Variants in MAD1L1 observed in about 807,000 individuals in gnomAD.
MAD1L1 encodes the protein mitotic arrest deficient 1 like 1, also known as mitotic spindle assembly checkpoint protein MAD1.
A neutral mutation model predicts 96.9 loss-of-function variants in MAD1L1; 95 were observed. That is an observed-to-expected ratio of 0.98 (90% CI 0.83 to 1.16). MAD1L1 has a LOEUF of 1.16. Ranked by LOEUF, MAD1L1 falls within the 50% of genes most tolerant of loss-of-function variation. The pLI, the probability that MAD1L1 is intolerant of heterozygous loss-of-function variation, is 0.00. For missense variants in MAD1L1, 1,007 were observed against 954.4 expected (o/e 1.06, Z -0.73); for synonymous variants, 473 against 396.6 (o/e 1.19, Z -2.29).
In MAD1L1 at chr7:1,890,652, AGGCTGTGCC is replaced by A. The variant is rs549433969; in HGVS notation, c.1998+7539_1998+7547del. 5.9e-5 allele frequency among the ~76,000 whole-genome samples: 9 copies of A among 152,360 alleles called. No homozygotes were observed. In the South Asian group the frequency reaches 1.9e-3, roughly 32 times the overall value. Reference sequence around the variant, plus strand: ...ATCCTGCCAGTTTCCACGGAGGCCCAGGCTGTGCCGGCCACTACAGGTATGTCGGGGAGA... The same window carrying A: ...ATCCTGCCAGTTTCCACGGAGGCCCAGGCCACTACAGGTATGTCGGGGAGA... On this transcript the variant is annotated intron_variant, in intron 18 of 18. Transcript: ENST00000265854.
chr7:1,987,581 G>A (rs1279940936), intron 14 of MAD1L1, among the ~76,000 whole-genome samples: 1 of 152,006 alleles, frequency 6.6e-6, no homozygotes, highest in Non-Finnish European at 1.5e-5. Context: ...GGGGGGGAGA[G>A]GCAGGTGGGG....
chr7:2,083,281 T>C (rs1562669945), intron 11 of MAD1L1, among the ~76,000 whole-genome samples: 1 of 152,250 alleles, frequency 6.6e-6, no homozygotes, highest in Non-Finnish European at 1.5e-5. Flanking sequence ...AGCTCATTTA[T>C]GAACCTCGCT....
chr7:1,863,816 C>T (rs1006493775), intron 18 of MAD1L1, among the ~76,000 whole-genome samples: 5 of 152,090 alleles, frequency 3.3e-5, no homozygotes, highest in Admixed American at 6.5e-5. Flanking sequence ...AGGCCAGGCG[C>T]GGTGGCTCCT....
intron 10 of MAD1L1, among the ~76,000 whole-genome samples, chr7:2,168,760 G>C (rs528097834): frequency 6.6e-6 from 1 of 152,274 alleles, no homozygotes; most frequent in Admixed American, 6.5e-5. Flanking sequence ...ACACCAAGGA[G>C]CTCTGGGAGG....
intron 12 of MAD1L1, among the ~76,000 whole-genome samples, chr7:2,060,345 G>T (rs747232689): frequency 6.7e-6 from 1 of 149,224 alleles, no homozygotes; most frequent in Non-Finnish European, 1.5e-5. Flanking sequence ...ATGCCAAGAT[G>T]TCGAGATATG....
At chr7:1,902,694 C>CA (rs755293322) in intron 17 of MAD1L1, among the ~76,000 whole-genome samples, 5 of 152,222 alleles carry the variant, frequency 3.3e-5, no homozygotes, top group East Asian at 3.8e-4. Context: ...TCTCAGGCTC[C>CA]AGCCTCGCTG....
intron 12 of MAD1L1, among the ~76,000 whole-genome samples, chr7:2,045,682 G>A (rs1783887997): frequency 6.6e-6 from 1 of 151,994 alleles, no homozygotes; most frequent in South Asian, 2.1e-4. Context: ...GGGATTTGGA[G>A]GCCGTGGAGC....
chr7:2,072,939 G>A (rs572073458), intron 11 of MAD1L1, among the ~76,000 whole-genome samples: 5 of 152,348 alleles, frequency 3.3e-5, no homozygotes, highest in South Asian at 2.1e-4. Context: ...TGTGAGTAAC[G>A]CACACCCACA....
intron 12 of MAD1L1, among the ~76,000 whole-genome samples, chr7:2,015,819 T>G (rs1562609186): frequency 6.6e-6 from 1 of 152,248 alleles, no homozygotes; most frequent in Non-Finnish European, 1.5e-5. Flanking sequence ...CTGGATGCCC[T>G]GGACGTAGAT....
At chr7:2,112,172 T>C (rs1787415916) in intron 11 of MAD1L1, among the ~76,000 whole-genome samples, 1 of 151,174 alleles carries the variant, frequency 6.6e-6, no homozygotes, top group South Asian at 2.1e-4. Flanking sequence ...AAAGGCAAAA[T>C]CACCAGACAG....
chr7:1,877,689 T>C (rs898177393), intron 18 of MAD1L1, among the ~76,000 whole-genome samples: 4 of 152,146 alleles, frequency 2.6e-5, no homozygotes, highest in Non-Finnish European at 4.4e-5. Context: ...ATTAGAAATA[T>C]AGATAGGTAT....
At chr7:1,893,882 T>A (rs1786707033) in intron 18 of MAD1L1, among the ~76,000 whole-genome samples, 1 of 152,228 alleles carries the variant, frequency 6.6e-6, no homozygotes, top group Non-Finnish European at 1.5e-5. Context: ...CACCGCTGCA[T>A]GGCCCCAAGG....
At chr7:2,023,887 T>G (rs1782889135) in intron 12 of MAD1L1, among the ~76,000 whole-genome samples, 1 of 151,924 alleles carries the variant, frequency 6.6e-6, no homozygotes, top group African/African-American at 2.4e-5. Flanking sequence ...AGGCGGAAGT[T>G]GCAGTGAGCC....
At chr7:2,166,454 G>A (rs1393458826) in intron 10 of MAD1L1, among the ~76,000 whole-genome samples, 2 of 151,866 alleles carry the variant, frequency 1.3e-5, no homozygotes, top group East Asian at 1.9e-4. Context: ...TGATTAACAA[G>A]AGGCGCTGTT....
chr7:1,920,693 A>G (rs1788733321), intron 17 of MAD1L1, among the ~76,000 whole-genome samples: 1 of 152,162 alleles, frequency 6.6e-6, no homozygotes, highest in South Asian at 2.1e-4. Context: ...TAAAACAGTG[A>G]GAAGAGAGGA....
At chr7:2,053,959 C>T (rs1007270355) in intron 12 of MAD1L1, among the ~76,000 whole-genome samples, 1 of 152,268 alleles carries the variant, frequency 6.6e-6, no homozygotes, top group Admixed American at 6.5e-5. Context: ...ATCGGGGTTT[C>T]TGATGACACA....
chr7:2,211,115 G>A (rs1413863641), intron 10 of MAD1L1, among the ~76,000 whole-genome samples: 1 of 152,172 alleles, frequency 6.6e-6, no homozygotes, highest in Admixed American at 6.5e-5. Context: ...ACACATGCAT[G>A]CCACTTGCTT....
intron 16 of MAD1L1, among the ~76,000 whole-genome samples, chr7:1,953,194 C>G (rs983134067): frequency 6.6e-6 from 1 of 152,210 alleles, no homozygotes; most frequent in Non-Finnish European, 1.5e-5. Flanking sequence ...ACCGCACCAC[C>G]TGCCTGCTGG....
chr7:2,083,588 C>A (rs534475081), intron 11 of MAD1L1, among the ~76,000 whole-genome samples: 1 of 152,190 alleles, frequency 6.6e-6, no homozygotes, highest in Non-Finnish European at 1.5e-5. Flanking sequence ...GGCGGGCTGT[C>A]GGGAGACTCC....
Sources: allele counts gnomAD v4.1 joint callset (sites outside exome capture counted in the v4.1 genomes callset), GRCh38; gene constraint gnomAD v4.1.1; transcripts MANE v1.5; gene names NCBI Gene and HGNC (gene_info 2026-07-23, HGNC 2026-07-21).